TENM1: variants seen among roughly 807,000 people sequenced by gnomAD.
TENM1 encodes teneurin-1.
In TENM1, 35 loss-of-function variants were observed where a neutral mutation model predicts 174.8. The ratio of observed to expected loss-of-function variants is 0.20; its 90% CI spans 0.15 to 0.27. TENM1 has a LOEUF of 0.27. Ranked by LOEUF, TENM1 falls within the 10% of genes least tolerant of loss-of-function variation. The pLI is 1.00. For missense variants in TENM1, 1,633 were observed against 2,130.1 expected, an observed-to-expected ratio of 0.77 and a Z score of 4.59; for synonymous variants, 781 against 798.7, an observed-to-expected ratio of 0.98 and a Z score of 0.37.
At chrX:124,971,911 C>T in the TENM1 span, among the ~76,000 whole-genome samples, 5 of 111,748 alleles carry the variant, frequency 4.5e-5, no homozygotes, top group Non-Finnish European at 9.4e-5. Flanking sequence ...GGCTTTTGCA[C>T]ATTTACCTAT....
chrX:124,844,484 A>T (rs1378691849), intron 3 of TENM1, among the ~76,000 whole-genome samples: 1 of 111,017 alleles, frequency 9.0e-6, no homozygotes, highest in Non-Finnish European at 1.9e-5. Flanking sequence ...CTTGGTCTTG[A>T]TGGACTGTGT....
chrX:125,192,060 T>C, the TENM1 span, among the ~76,000 whole-genome samples: 3 of 111,295 alleles, frequency 2.7e-5, no homozygotes, highest in Admixed American at 9.6e-5. Context: ...CCTCCCGCAC[T>C]GAATGTCAGT....
At chrX:125,023,815 A>G in the TENM1 span, among the ~76,000 whole-genome samples, 1 of 111,529 alleles carries the variant, frequency 9.0e-6, no homozygotes, top group African/African-American at 3.3e-5. Context: ...ACAGGGGAAA[A>G]TATTTGCGAA....
At chrX:124,397,080 T>C (rs182580807) in intron 27 of TENM1, among the ~76,000 whole-genome samples, 1 of 111,079 alleles carries the variant, frequency 9.0e-6, no homozygotes, top group Non-Finnish European at 1.9e-5. Flanking sequence ...TTGTTCATAC[T>C]AGGACCAGAG....
chrX:124,551,670 C>T (rs1376666559), intron 14 of TENM1, among the ~76,000 whole-genome samples: 1 of 111,373 alleles, frequency 9.0e-6, no homozygotes, highest in Non-Finnish European at 1.9e-5. Flanking sequence ...TATGTGTAAA[C>T]TGACCAAATT....
In TENM1 at chrX:124,404,952, T is replaced by TAAACAAAC. The variant is rs34194370; in HGVS notation, c.5391+71_5391+78dup. On this transcript the variant is annotated intron_variant, in intron 27 of 31. Coordinates refer to ENST00000422452, the Ensembl canonical transcript of TENM1. Reference sequence around the variant, plus strand: ...CTTCAGTTTAGGGAGGCTCTGCAGTTAAACAAACAAACAAACAAACAAACA... The same window carrying TAAACAAAC: ...CTTCAGTTTAGGGAGGCTCTGCAGTTAAACAAACAAACAAACAAACAAACAAACAAACA... 2.3e-3 allele frequency: 1,968 copies of TAAACAAAC among 873,962 alleles called. 9 individuals are homozygous for TAAACAAAC. The highest frequency in any genetic ancestry group is 0.013 in the South Asian group (589 of 43,670). The allele number at this position is 873,962 out of a possible 1,213,427, so 72.0% of individuals were successfully genotyped here.
intron 12 of TENM1, among the ~76,000 whole-genome samples, chrX:124,564,375 CA>C (rs371513827): frequency 3.4e-4 from 38 of 111,684 alleles, no homozygotes; most frequent in African/African-American, 1.1e-3. Flanking sequence ...TGGCAAGCTC[CA>C]ACCATTATAA....
intron 23 of TENM1, among the ~76,000 whole-genome samples, chrX:124,438,549 G>T (rs757330773): frequency 3.0e-4 from 33 of 111,725 alleles, no homozygotes; most frequent in African/African-American, 1.0e-3. Flanking sequence ...TTTAATAAGA[G>T]CTAACGTGCC....
At chrX:125,034,872 G>A in the TENM1 span, among the ~76,000 whole-genome samples, 2 of 111,619 alleles carry the variant, frequency 1.8e-5, no homozygotes, top group African/African-American at 3.2e-5. Flanking sequence ...ACTTCAAATA[G>A]ACTATAGCCT....
intron 3 of TENM1, among the ~76,000 whole-genome samples, chrX:124,757,749 C>T (rs1006183795): frequency 1.4e-4 from 16 of 112,313 alleles, no homozygotes; most frequent in Non-Finnish European, 1.1e-4. Flanking sequence ...AGAGAGCTGT[C>T]TTGTTAAAAA....
intron 1 of TENM1, among the ~76,000 whole-genome samples, chrX:124,919,255 C>A (rs1037270041): frequency 3.6e-5 from 4 of 111,639 alleles, no homozygotes; most frequent in Non-Finnish European, 7.5e-5. Flanking sequence ...AGGTTCTTGG[C>A]AGATTGTGAT....
chrX:124,603,424 G>A (rs2148285377), intron 11 of TENM1, among the ~76,000 whole-genome samples: 1 of 111,661 alleles, frequency 9.0e-6, no homozygotes, highest in East Asian at 2.8e-4. Flanking sequence ...TGTGCTGAAT[G>A]ATGCAAATGA....
chrX:124,762,622 T>C (rs947872721), intron 3 of TENM1, among the ~76,000 whole-genome samples: 6 of 111,595 alleles, frequency 5.4e-5, no homozygotes, highest in African/African-American at 1.6e-4. Flanking sequence ...CATTTTCAGC[T>C]CTCTTATACA....
At chrX:125,169,438 A>G in the TENM1 span, among the ~76,000 whole-genome samples, 2 of 111,802 alleles carry the variant, frequency 1.8e-5, no homozygotes, top group Non-Finnish European at 3.8e-5. Flanking sequence ...GTGGCCACAC[A>G]TGGCTGGTAT....
intron 1 of TENM1, among the ~76,000 whole-genome samples, chrX:124,908,340 A>T (rs960351355): frequency 9.1e-6 from 1 of 110,413 alleles, no homozygotes; most frequent in Non-Finnish European, 1.9e-5. Flanking sequence ...ACCTCCTGAC[A>T]GGCCCCAGTG....
intron 15 of TENM1, among the ~76,000 whole-genome samples, chrX:124,531,126 CTTT>C (rs1189755779): frequency 8.8e-5 from 7 of 79,164 alleles, no homozygotes; most frequent in African/African-American, 2.0e-4. Context: ...TCAATACCAC[CTTT>C]TTTTTTTTTT....
intron 3 of TENM1, among the ~76,000 whole-genome samples, chrX:124,861,245 G>GT (rs1198640504): frequency 6.3e-5 from 7 of 111,719 alleles, no homozygotes; most frequent in African/African-American, 2.3e-4. Flanking sequence ...TTATCTTTCT[G>GT]TTTTTTGGTT....
At chrX:124,377,672 C>T (rs2060117121) in exon 32 of TENM1, 1 of 111,717 alleles carries the variant, frequency 9.0e-6, no homozygotes, top group Non-Finnish European at 1.9e-5. Context: ...TATTCCCTGC[C>T]TCCAGCCCAG....
chrX:124,468,919 T>A (rs144217277), intron 22 of TENM1, among the ~76,000 whole-genome samples: 1,876 of 107,242 alleles, frequency 0.017, 20 homozygotes, highest in South Asian at 0.08. Context: ...TCATTTTTAC[T>A]GTTGTATAAA....
Sources: allele counts gnomAD v4.1 joint callset (sites outside exome capture counted in the v4.1 genomes callset), GRCh38; gene constraint gnomAD v4.1.1; transcripts MANE v1.5; gene names NCBI Gene and HGNC (gene_info 2026-07-23, HGNC 2026-07-21).